The following NRG1 variants were observed in gnomAD, a reference collection of about 807,000 sequenced individuals.
NRG1 encodes pro-neuregulin-1, membrane-bound isoform.
A neutral mutation model predicts 63.8 loss-of-function variants in NRG1; 18 were observed. The ratio of observed to expected loss-of-function variants is 0.28; its 90% confidence interval spans 0.19 to 0.42. The LOEUF (loss-of-function observed/expected upper bound fraction) is 0.42, where lower values mean the gene tolerates loss of function less well. Among genes scored for constraint, NRG1 ranks in the 10% least tolerant of loss-of-function variants. The pLI, the probability that NRG1 is intolerant of heterozygous loss-of-function variation, is 1.00. For synonymous variants in NRG1, 302 were observed against 301.3 expected (o/e 1.00, Z -0.02); for missense variants, 762 against 814.7 (o/e 0.94, Z 0.79).
At chr8:32,431,995 G>A (rs1818208382) in intron 1 of NRG1, among the ~76,000 whole-genome samples, 2 of 152,134 alleles carry the variant, frequency 1.3e-5, no homozygotes, top group African/African-American at 2.4e-5. Flanking sequence ...GGGTTGAAGT[G>A]TTGGCCTCCC....
chr8:31,930,886 C>A (rs903784177), intron 1 of NRG1, among the ~76,000 whole-genome samples: 1 of 152,140 alleles, frequency 6.6e-6, no homozygotes, highest in African/African-American at 2.4e-5. Context: ...CTTCAAATGC[C>A]GTATCTGAAT....
chr8:32,590,517 A>G (rs1842347588), intron 1 of NRG1, among the ~76,000 whole-genome samples: 1 of 152,192 alleles, frequency 6.6e-6, no homozygotes, highest in Non-Finnish European at 1.5e-5. Context: ...CTTAGATAAG[A>G]CTTTCAAGAC....
At chr8:32,311,555 C>G (rs1338641922) in intron 1 of NRG1, among the ~76,000 whole-genome samples, 3 of 152,242 alleles carry the variant, frequency 2.0e-5, no homozygotes, top group Middle Eastern at 3.4e-3. Context: ...AACAGCATGT[C>G]CCAGCAAAAG....
chr8:31,968,811 A>G (rs1375450425), intron 1 of NRG1, among the ~76,000 whole-genome samples: 1 of 152,166 alleles, frequency 6.6e-6, no homozygotes, highest in Non-Finnish European at 1.5e-5. Flanking sequence ...ACCAGCTGGC[A>G]TAAATGTGGC....
At chr8:32,023,695 A>T (rs1308580236) in intron 1 of NRG1, among the ~76,000 whole-genome samples, 1 of 152,166 alleles carries the variant, frequency 6.6e-6, no homozygotes, top group Admixed American at 6.5e-5. Context: ...TTTCAAAAAC[A>T]CCAGGAGAGA....
intron 1 of NRG1, among the ~76,000 whole-genome samples, chr8:31,834,364 G>C (rs1825500347): frequency 6.6e-6 from 1 of 151,022 alleles, no homozygotes; most frequent in Non-Finnish European, 1.5e-5. Context: ...AAAAAGATTA[G>C]ACGAAAGCAT....
intron 1 of NRG1, among the ~76,000 whole-genome samples, chr8:32,164,225 G>A (rs1265858744): frequency 7.1e-6 from 1 of 140,924 alleles, no homozygotes; most frequent in African/African-American, 2.7e-5. Flanking sequence ...GAAAACACTA[G>A]TTTCATCATC....
chr8:32,351,524 A>T lies in NRG1; in HGVS notation c.38-244304A>T, dbSNP rs192004012. On this transcript the variant is annotated intron_variant, in intron 1 of 10. Transcript: ENST00000519301. ...CCTTTGTTACTGCCTCAATTTCCTT[A>T]AAAAGCTCTTATAAGATAATAAAGA... Among the ~76,000 whole-genome samples the T allele has an allele frequency of 1.0e-3, 159 of 152,324 alleles. 2 individuals carry two copies. The highest frequency in any genetic ancestry group is 3.5e-3 in the Admixed American group (53 of 15,300).
intron 1 of NRG1, among the ~76,000 whole-genome samples, chr8:32,530,450 C>T (rs1831347691): frequency 6.6e-6 from 1 of 152,104 alleles, no homozygotes; most frequent in African/African-American, 2.4e-5. Flanking sequence ...ATATGTGGTC[C>T]ACGGTTTAGA....
At chr8:32,765,368 G>A (rs552271014) in exon 12 of NRG1, 1 of 152,146 alleles carries the variant, frequency 6.6e-6, no homozygotes, top group Non-Finnish European at 1.5e-5. Context: ...GGCACAAAAA[G>A]CCCAGCCCAG....
At chr8:32,548,917 C>T (rs960575308) in intron 1 of NRG1, 91 bp downstream of exon 1, 12 of 1,429,522 alleles carry the variant, frequency 8.4e-6, no homozygotes, top group East Asian at 2.7e-5. Flanking sequence ...CTCCCTCCCC[C>T]TCTCCCTCGC....
intron 1 of NRG1, among the ~76,000 whole-genome samples, chr8:31,848,913 T>G (rs549534060): frequency 1.1e-4 from 17 of 152,272 alleles, no homozygotes; most frequent in African/African-American, 4.1e-4. Flanking sequence ...ATATACATAA[T>G]GCACTTAAAT....
intron 1 of NRG1, among the ~76,000 whole-genome samples, chr8:31,729,685 A>G (rs1813822724): frequency 6.6e-6 from 1 of 152,158 alleles, no homozygotes; most frequent in Non-Finnish European, 1.5e-5. Context: ...AAGACAGTTT[A>G]TCAGAATACA....
chr8:32,340,385 A>G (rs758395452), intron 1 of NRG1, among the ~76,000 whole-genome samples: 1 of 152,128 alleles, frequency 6.6e-6, no homozygotes, highest in African/African-American at 2.4e-5. Context: ...CTAGAGGGCA[A>G]AACAGCCTCC....
chr8:32,405,380 A>G (rs571290269), intron 1 of NRG1, among the ~76,000 whole-genome samples: 88 of 152,356 alleles, frequency 5.8e-4, no homozygotes, highest in Non-Finnish European at 1.1e-3. Flanking sequence ...AATATTAAAT[A>G]AGCAAATGCT....
intron 6 of NRG1, chr8:32,728,663 A>ATTCCACAT (rs1431639813): frequency 1.5e-5 from 15 of 984,712 alleles, no homozygotes; most frequent in Middle Eastern, 5.2e-4. Flanking sequence ...AATACATTGT[A>ATTCCACAT]TGTAGCATCC....
intron 1 of NRG1, among the ~76,000 whole-genome samples, chr8:31,959,351 A>T (rs921352296): frequency 2.0e-5 from 3 of 152,230 alleles, no homozygotes; most frequent in African/African-American, 4.8e-5. Context: ...TTATTAAAAC[A>T]TATATGTATT....
At chr8:31,822,405 G>A (rs555509630) in intron 1 of NRG1, among the ~76,000 whole-genome samples, 3 of 152,158 alleles carry the variant, frequency 2.0e-5, no homozygotes, top group African/African-American at 7.2e-5. Flanking sequence ...AGGTAAGAGA[G>A]TAAGTCTCCC....
intron 2 of NRG1, among the ~76,000 whole-genome samples, chr8:32,599,342 T>C (rs1031139327): frequency 2.6e-5 from 4 of 152,166 alleles, no homozygotes; most frequent in Non-Finnish European, 5.9e-5. Flanking sequence ...ACTTTGACTC[T>C]TTCCCAATCC....
Sources: allele counts gnomAD v4.1 joint callset (sites outside exome capture counted in the v4.1 genomes callset), GRCh38; gene constraint gnomAD v4.1.1; transcripts MANE v1.5; gene names NCBI Gene and HGNC (gene_info 2026-07-23, HGNC 2026-07-21).